Variants in IL27RA observed in about 807,000 individuals in gnomAD.
The protein encoded by IL27RA is interleukin 27 receptor subunit alpha, also known as interleukin-27 receptor subunit alpha.
IL27RA carries 61 observed loss-of-function variants against 80.8 expected under a neutral mutation model. The ratio of observed to expected loss-of-function variants is 0.76; its 90% CI spans 0.61 to 0.93. The LOEUF (loss-of-function observed/expected upper bound fraction) is 0.93, where lower values mean the gene tolerates loss of function less well. Among genes scored for constraint, IL27RA ranks in the 40% least tolerant of loss-of-function variants. The pLI is 0.00. For missense variants in IL27RA, 735 were observed against 808.1 expected (o/e 0.91, Z 1.10); for synonymous variants, 316 against 332.5 (o/e 0.95, Z 0.54).
chr19:14,038,558 T>G (rs1599298154), intron 2 of IL27RA, among the ~76,000 whole-genome samples: 2 of 115,560 alleles, frequency 1.7e-5, no homozygotes, highest in South Asian at 2.9e-4. Flanking sequence ...CAGAGTGAGG[T>G]CGTGTCTCTA....
chr19:14,042,656 C>G, intron 5 of IL27RA, 44 bp downstream of exon 5: 1 of 1,613,926 alleles, frequency 6.2e-7, no homozygotes, highest in Non-Finnish European at 8.5e-7. Flanking sequence ...CCCTCCCACC[C>G]CCAGAAGTCT....
chr19:14,034,807 G>A (rs1158599819), intron 2 of IL27RA, among the ~76,000 whole-genome samples: 1 of 151,772 alleles, frequency 6.6e-6, no homozygotes, highest in African/African-American at 2.4e-5. Context: ...AAAAAAATTA[G>A]CTGGGCGTGG....
intron 6 of IL27RA, among the ~76,000 whole-genome samples, chr19:14,043,576 C>A (rs1188344517): frequency 1.3e-5 from 2 of 151,420 alleles, no homozygotes; most frequent in African/African-American, 2.4e-5. Flanking sequence ...GGTGCCCCCC[C>A]ACCACGCCCG....
chr19:14,045,877 T>C lies in IL27RA; in HGVS notation c.769-277T>C, dbSNP rs1976056940. Reference sequence around the variant, plus strand: ...CCGTCTCTACTAAAAATACAAAAATTAGCCGGGCGTGATGGCAGGCGCCTG... The same window carrying C: ...CCGTCTCTACTAAAAATACAAAAATCAGCCGGGCGTGATGGCAGGCGCCTG... On this transcript the variant is annotated intron_variant, in intron 6 of 13. Coordinates refer to ENST00000263379, the MANE Select transcript of IL27RA (RefSeq NM_004843.4). Among the ~76,000 whole-genome samples, 5 of 151,610 alleles carry C rather than the reference T, an allele frequency of 3.3e-5. No homozygotes were observed. In the South Asian group the frequency reaches 8.3e-4, roughly 25 times the overall value.
chr19:14,041,971 C>T (rs1025234434), intron 4 of IL27RA, among the ~76,000 whole-genome samples: 7 of 152,002 alleles, frequency 4.6e-5, no homozygotes, highest in South Asian at 2.1e-4. Flanking sequence ...GAGGCCGAGG[C>T]GGGCGGATCA....
rs1254468465 is a variant in IL27RA at position 14,031,852 on chromosome 19, T to C, written c.-21T>C. ...CGGACCCGGCAAGGCTGGGCCGGAC[T>C]CGGGGCTCCCGAGGGACGCCATGCG... On this transcript the variant is annotated 5_prime_UTR_variant, in exon 1 of 14. Transcript: ENST00000263379. 8 of 1,575,352 alleles carry C rather than the reference T, an allele frequency of 5.1e-6. No homozygotes were observed. The South Asian group carries it at 9.2e-5, about 18-fold the overall frequency.
chr19:14,045,854 G>A (rs972788618), intron 6 of IL27RA, among the ~76,000 whole-genome samples: 3 of 150,828 alleles, frequency 2.0e-5, no homozygotes, highest in South Asian at 4.2e-4. Context: ...GTGAAACCCC[G>A]TCTCTACTAA....
At chr19:14,049,391 C>A in intron 10 of IL27RA, 77 bp downstream of exon 10, 1 of 1,475,062 alleles carries the variant, frequency 6.8e-7, no homozygotes, top group Non-Finnish European at 9.2e-7. Flanking sequence ...CCCCTTGTCC[C>A]CACGTGGGCC....
chr19:14,039,841 A>C lies in IL27RA; in HGVS notation c.465A>C (p.Thr155=), dbSNP rs539025031. The C allele has an allele frequency of 3.1e-6, 5 of 1,613,974 alleles. No homozygotes were observed. The highest frequency in any genetic ancestry group is 3.4e-6 in the Non-Finnish European group (4 of 1,180,004). Residue 155 remains threonine (T), a synonymous_variant, in exon 4 of 14, where the codon ACA becomes ACC. Transcript: ENST00000263379. Reference sequence around the variant, plus strand: ...CCACTGTCCATTGGGCCCCACCTACATGGCCATCTCATAAAGTTCTGATCT... The same window carrying C: ...CCACTGTCCATTGGGCCCCACCTACCTGGCCATCTCATAAAGTTCTGATCT... ...LEATVHWAPP[T]WPSHKVLICQ...
At chr19:14,039,464 G>C in intron 2 of IL27RA, 44 bp from the exon 3 acceptor site, 1 of 1,575,008 alleles carries the variant, frequency 6.3e-7, no homozygotes, top group Non-Finnish European at 8.6e-7. Flanking sequence ...AGTGGCCCTG[G>C]CTCTAGCCGA....
At chr19:14,049,938 C>T (rs1252712704) in intron 10 of IL27RA, among the ~76,000 whole-genome samples, 1 of 151,886 alleles carries the variant, frequency 6.6e-6, no homozygotes, top group African/African-American at 2.4e-5. Flanking sequence ...CCTGTAATCC[C>T]AGCACTTTGG....
intron 2 of IL27RA, among the ~76,000 whole-genome samples, chr19:14,038,203 G>T (rs1250287931): frequency 4.0e-5 from 6 of 151,898 alleles, no homozygotes; most frequent in South Asian, 4.1e-4. Flanking sequence ...ACCCAGGCTG[G>T]AGTGCAGTGG....
At chr19:14,035,459 G>C (rs570919713) in intron 2 of IL27RA, among the ~76,000 whole-genome samples, 1 of 152,132 alleles carries the variant, frequency 6.6e-6, no homozygotes, top group East Asian at 1.9e-4. Context: ...GCAATGGCGC[G>C]ATCTCGGCTC....
intron 2 of IL27RA, among the ~76,000 whole-genome samples, chr19:14,035,660 G>T (rs1975886950): frequency 6.6e-6 from 1 of 152,062 alleles, no homozygotes; most frequent in Non-Finnish European, 1.5e-5. Context: ...CTCCCAAAGT[G>T]CTGGGATTAC....
At chr19:14,036,615 A>G (rs1406364640) in intron 2 of IL27RA, among the ~76,000 whole-genome samples, 2 of 149,384 alleles carry the variant, frequency 1.3e-5, no homozygotes, top group South Asian at 4.2e-4. Flanking sequence ...CAGCCTCCCG[A>G]GTAGCTGAGA....
chr19:14,051,961 G>T lies in IL27RA; in HGVS notation c.1704G>T (p.Gln568His). The part of the protein sequence containing the change: ...VPDPANSSSG[Q>H]PHMEQVPEAQ... ...ATCCTGCCAACAGCAGTTCAGGCCA[G>T]CCCCACATGGAGGTGAGTCAAAGGG... The change falls in exon 13 of 14, where the codon CAG becomes CAT. Residue 568 changes from glutamine to histidine, a missense_variant. Coordinates refer to ENST00000263379, the MANE Select transcript of IL27RA (RefSeq NM_004843.4). 1 of 1,585,392 alleles carries T rather than the reference G, an allele frequency of 6.3e-7. No homozygotes were observed.
At chr19:14,047,590 C>T (rs1191502398) in intron 8 of IL27RA, among the ~76,000 whole-genome samples, 1 of 150,976 alleles carries the variant, frequency 6.6e-6, no homozygotes. Flanking sequence ...CTCCTGACCT[C>T]AAGAGATCCA....
In IL27RA at chr19:14,042,755, C is replaced by G; in HGVS notation, c.734C>G (p.Thr245Arg). The change falls in exon 6 of 14, where the codon ACG becomes AGG. Residue 245 changes from threonine (T) to arginine (R), a missense_variant. Transcript: ENST00000263379. ...DVWVSGNLCG[T>R]PGGEEPLLLW... Reference sequence around the variant, plus strand: ...TGGGTATCAGGGAACCTCTGTGGGACGCCTGGAGGAGAGGAACCTTTGCTT... The same window carrying G: ...TGGGTATCAGGGAACCTCTGTGGGAGGCCTGGAGGAGAGGAACCTTTGCTT... 6 of 1,614,126 alleles carry G rather than the reference C, an allele frequency of 3.7e-6. No individual in the cohort carries two copies. The highest frequency in any genetic ancestry group is 5.1e-6 in the Non-Finnish European group (6 of 1,180,014).
chr19:14,033,093 CTTT>C (rs1010935225), intron 2 of IL27RA, among the ~76,000 whole-genome samples: 5 of 117,198 alleles, frequency 4.3e-5, no homozygotes, highest in Admixed American at 1.8e-4. Flanking sequence ...GAGCCCGTCA[CTTT>C]TTTTTTTTTT....
Sources: allele counts gnomAD v4.1 joint callset (sites outside exome capture counted in the v4.1 genomes callset), GRCh38; gene constraint gnomAD v4.1.1; transcripts MANE v1.5; gene names NCBI Gene and HGNC (gene_info 2026-07-23, HGNC 2026-07-21).